Variants in ATG10 observed in about 807,000 individuals in gnomAD.
The protein encoded by ATG10 is ubiquitin-like-conjugating enzyme ATG10.
Under a neutral mutation model 32.1 loss-of-function variants are expected in ATG10, and 30 were observed. The ratio of observed to expected loss-of-function variants is 0.94; its 90% CI spans 0.70 to 1.27. The LOEUF (loss-of-function observed/expected upper bound fraction) is 1.27. Among genes scored for constraint, ATG10 ranks in the 50% most tolerant of loss-of-function variants. ATG10 has a pLI of 0.00. For missense variants in ATG10, 233 were observed against 262.3 expected, an observed-to-expected ratio of 0.89 and a Z score of 0.77; for synonymous variants, 87 against 91.5, an observed-to-expected ratio of 0.95 and a Z score of 0.28.
Position 81,987,691 on chromosome 5 carries a change from A to G in ATG10, c.108+13A>G, listed in dbSNP as rs1761330550. 4 of 1,578,506 alleles carry G rather than the reference A, an allele frequency of 2.5e-6. No homozygotes were observed. The highest frequency in any genetic ancestry group is 1.4e-5 in the African/African-American group (1 of 73,840). On this transcript the variant is annotated intron_variant, in intron 2 of 7. Coordinates refer to ENST00000282185, the MANE Select transcript of ATG10 (RefSeq NM_031482.5). ...GAGACCATCAAAGGTAAGAATGGAA[A>G]TGTTTGTTTTCTGTCTCAAAAGAGG...
Position 81,972,080 on chromosome 5 carries a change from T to TGACTGAAGGAGGCCACGGCCAC in ATG10, c.-238_-217dup, listed in dbSNP as rs1760737162. ...ACCTGACTGAAGGAGGCCGCGGACC[T>TGACTGAAGGAGGCCACGGCCAC]GACTGAAGGAGGCCACGGCCACTTC... On this transcript the variant is annotated 5_prime_UTR_variant, in exon 1 of 8. Transcript: ENST00000282185. 1 of 152,088 alleles carries TGACTGAAGGAGGCCACGGCCAC rather than the reference T, an allele frequency of 6.6e-6. No homozygotes were observed. The highest frequency in any genetic ancestry group is 1.5e-5 in the Non-Finnish European group (1 of 67,986). 9.4% of individuals were successfully genotyped at this position (152,088 alleles called of 1,614,324 possible). A position where few individuals can be genotyped will look rare whatever the true frequency, so the allele number is the denominator to read the frequency against.
At chr5:82,251,792 C>G (rs1747263247) in intron 5 of ATG10, among the ~76,000 whole-genome samples, 1 of 152,142 alleles carries the variant, frequency 6.6e-6, no homozygotes, top group Admixed American at 6.5e-5. Flanking sequence ...CTAGGGCTCC[C>G]CATTGCTTGC....
chr5:82,062,249 T>C (rs951853828), intron 3 of ATG10, among the ~76,000 whole-genome samples: 42 of 152,136 alleles, frequency 2.8e-4, no homozygotes, highest in African/African-American at 1.0e-3. Context: ...TAGTAGTTTG[T>C]GTTTCTGAGT....
chr5:82,183,598 G>A (rs1002311020), intron 5 of ATG10, among the ~76,000 whole-genome samples: 2 of 152,106 alleles, frequency 1.3e-5, no homozygotes, highest in African/African-American at 4.8e-5. Flanking sequence ...AGCCATTGAT[G>A]ATTATTGCCT....
At chr5:82,074,878 T>G (rs1416955063) in intron 3 of ATG10, among the ~76,000 whole-genome samples, 6 of 152,316 alleles carry the variant, frequency 3.9e-5, no homozygotes, top group Middle Eastern at 6.8e-3. Flanking sequence ...AAGCACCTTT[T>G]TTCTCTGCCA....
intron 2 of ATG10, among the ~76,000 whole-genome samples, chr5:82,053,360 A>G (rs1763487067): frequency 6.6e-6 from 1 of 152,080 alleles, no homozygotes; most frequent in Admixed American, 6.6e-5. Context: ...TTATATTTTG[A>G]GGAAATTAAA....
Position 82,136,155 on chromosome 5 carries a change from C to T in ATG10, c.217-28244C>T, listed in dbSNP as rs186110592. Among the ~76,000 whole-genome samples the T allele has an allele frequency of 4.4e-3, 667 of 151,978 alleles. 3 individuals are homozygous for T. The highest frequency in any genetic ancestry group is 6.6e-3 in the African/African-American group (275 of 41,434). On this transcript the variant is annotated intron_variant, in intron 3 of 7. Coordinates refer to ENST00000282185, the MANE Select transcript of ATG10 (RefSeq NM_031482.5). ...GATGGGTCTCCTGAATACAGCACAC[C>T]GATGGGTCTTGACTCTTTATCCAAT...
chr5:82,202,274 T>C (rs756259327), intron 5 of ATG10, among the ~76,000 whole-genome samples: 1 of 152,164 alleles, frequency 6.6e-6, no homozygotes, highest in Non-Finnish European at 1.5e-5. Context: ...ATTAGATTAA[T>C]ATTCAGATCA....
At chr5:82,088,650 T>C (rs1764770921) in intron 3 of ATG10, among the ~76,000 whole-genome samples, 2 of 152,144 alleles carry the variant, frequency 1.3e-5, no homozygotes, top group African/African-American at 4.8e-5. Context: ...TTGAAAGGCT[T>C]CGTGTGACTG....
At chr5:82,031,380 A>G (rs538237953) in intron 2 of ATG10, among the ~76,000 whole-genome samples, 8 of 152,358 alleles carry the variant, frequency 5.3e-5, no homozygotes, top group Admixed American at 5.2e-4. Context: ...AGCAACACAC[A>G]TAGGTTATCA....
chr5:82,011,499 T>C (rs1762126251), intron 2 of ATG10, among the ~76,000 whole-genome samples: 1 of 152,222 alleles, frequency 6.6e-6, no homozygotes, highest in Non-Finnish European at 1.5e-5. Context: ...TAAAATCCTT[T>C]AGTGATTCTT....
chr5:82,138,885 C>G (rs1449355155), intron 3 of ATG10, among the ~76,000 whole-genome samples: 4 of 110,454 alleles, frequency 3.6e-5, no homozygotes, highest in African/African-American at 1.4e-4. Context: ...CCCCCTCTCC[C>G]TCTCCCTCTC....
At chr5:82,005,455 C>T (rs927028222) in intron 2 of ATG10, among the ~76,000 whole-genome samples, 6 of 152,012 alleles carry the variant, frequency 3.9e-5, no homozygotes, top group Non-Finnish European at 8.8e-5. Context: ...CCACCACGCC[C>T]AGCTAGTTTT....
At chr5:82,175,862 A>G (rs1488128020) in intron 4 of ATG10, among the ~76,000 whole-genome samples, 1 of 151,716 alleles carries the variant, frequency 6.6e-6, no homozygotes, top group Non-Finnish European at 1.5e-5. Context: ...TATTGTGTTT[A>G]TTGTTTATTT....
intron 3 of ATG10, among the ~76,000 whole-genome samples, chr5:82,163,983 C>G (rs532268914): frequency 1.3e-5 from 2 of 152,232 alleles, no homozygotes; most frequent in East Asian, 3.9e-4. Context: ...TTGGCAAGTA[C>G]AATAGAATCT....
intron 1 of ATG10, among the ~76,000 whole-genome samples, chr5:81,977,471 A>G (rs1015324192): frequency 1.2e-4 from 19 of 152,162 alleles, no homozygotes; most frequent in African/African-American, 4.3e-4. Context: ...TAACAATCCA[A>G]TATGATCCCA....
chr5:82,227,655 C>A (rs1475092972), intron 5 of ATG10, among the ~76,000 whole-genome samples: 1 of 152,126 alleles, frequency 6.6e-6, no homozygotes. Context: ...AGATTACAGA[C>A]ATGAGCCACC....
intron 3 of ATG10, among the ~76,000 whole-genome samples, chr5:82,116,681 C>T (rs1268623935): frequency 6.6e-6 from 1 of 152,070 alleles, no homozygotes; most frequent in Non-Finnish European, 1.5e-5. Context: ...ACAAAACAAA[C>T]ATCATCTGGC....
chr5:82,016,965 C>T (rs1581602148), intron 2 of ATG10, among the ~76,000 whole-genome samples: 1 of 152,160 alleles, frequency 6.6e-6, no homozygotes, highest in African/African-American at 2.4e-5. Flanking sequence ...GCCTGGATTA[C>T]AGGCGTGAGC....
Sources: allele counts gnomAD v4.1 joint callset (sites outside exome capture counted in the v4.1 genomes callset), GRCh38; gene constraint gnomAD v4.1.1; transcripts MANE v1.5; gene names NCBI Gene and HGNC (gene_info 2026-07-23, HGNC 2026-07-21).